SLC41A3: variants seen among roughly 807,000 people sequenced by gnomAD.
SLC41A3 encodes solute carrier family 41 member 3.
In SLC41A3, 44 loss-of-function variants were observed where a neutral mutation model predicts 45.4. The ratio of observed to expected loss-of-function variants is 0.97; its 90% confidence interval spans 0.76 to 1.25. The LOEUF is 1.25. SLC41A3 is among the 50% of genes most tolerant of loss of function. The pLI is 0.00. For synonymous variants in SLC41A3, 256 were observed against 252.4 expected, an observed-to-expected ratio of 1.01 and a Z score of -0.13; for missense variants, 550 against 600.6, an observed-to-expected ratio of 0.92 and a Z score of 0.88.
chr3:126,047,670 T>C (rs1943052987), intron 3 of SLC41A3, among the ~76,000 whole-genome samples: 1 of 152,110 alleles, frequency 6.6e-6, no homozygotes, highest in South Asian at 2.1e-4. Flanking sequence ...AAAATGGAGC[T>C]GGGAAAACGA....
At chr3:126,016,918 C>T in intron 6 of SLC41A3, 43 bp from the exon 7 acceptor site, 1 of 1,599,600 alleles carries the variant, frequency 6.3e-7, no homozygotes. Context: ...GTGGCCAAGG[C>T]CAGCACACAC....
chr3:126,056,005 G>A (rs1427575718), intron 2 of SLC41A3, among the ~76,000 whole-genome samples: 1 of 152,188 alleles, frequency 6.6e-6, no homozygotes, highest in Non-Finnish European at 1.5e-5. Context: ...GGAAATCAAG[G>A]CAGAACAGTG....
At chr3:126,058,535 T>C (rs1943816651) in intron 2 of SLC41A3, among the ~76,000 whole-genome samples, 1 of 152,134 alleles carries the variant, frequency 6.6e-6, no homozygotes, top group Admixed American at 6.5e-5. Flanking sequence ...CCACATCCAC[T>C]CTGCCTGTCC....
intron 2 of SLC41A3, among the ~76,000 whole-genome samples, chr3:126,065,145 A>G (rs1205694720): frequency 6.6e-6 from 1 of 152,220 alleles, no homozygotes; most frequent in Non-Finnish European, 1.5e-5. Flanking sequence ...AGACAGGACT[A>G]TGCTTAGAAG....
At chr3:126,023,172 T>C (rs2107709383) in intron 5 of SLC41A3, 1 of 541,276 alleles carries the variant, frequency 1.8e-6, no homozygotes, top group Non-Finnish European at 3.3e-6. Flanking sequence ...CTCCACTTTG[T>C]GACCTGTGCA....
chr3:126,033,746 A>C, intron 3 of SLC41A3, 68 bp from the exon 4 acceptor site: 1 of 1,497,868 alleles, frequency 6.7e-7, no homozygotes, highest in Non-Finnish European at 9.2e-7. Flanking sequence ...CCTTCCTGGG[A>C]AAGGCAGTCT....
In SLC41A3 at chr3:126,090,028, CTTTTTTTT is replaced by C. The variant is rs59737864; in HGVS notation, c.-79+11393_-79+11400del. On this transcript the variant is annotated intron_variant, in intron 1 of 9. Coordinates refer to the SLC41A3 transcript ENST00000508835. ...TCTAGTTAAAGAAGGTCAAGAAAAT[CTTTTTTTT>C]TTTTTTTTTTTTTTTTTAGTTATTT... 3.1e-3 allele frequency among the ~76,000 whole-genome samples: 304 copies of C among 99,362 alleles called. 5 individuals are homozygous for C. In the East Asian group the frequency reaches 0.082, roughly 27 times the overall value. 65.2% of individuals were successfully genotyped at this position (99,362 alleles called of 152,430 possible). A position where few individuals can be genotyped will look rare whatever the true frequency, so the allele number is the denominator to read the frequency against.
intron 6 of SLC41A3, among the ~76,000 whole-genome samples, chr3:126,020,626 G>A (rs537411641): frequency 1.6e-3 from 249 of 152,290 alleles, no homozygotes; most frequent in African/African-American, 5.8e-3. Flanking sequence ...TGAAAGACTG[G>A]TTCAGGCCAT....
At chr3:126,052,399 T>G (rs547955389) in intron 2 of SLC41A3, among the ~76,000 whole-genome samples, 1 of 152,122 alleles carries the variant, frequency 6.6e-6, no homozygotes, top group African/African-American at 2.4e-5. Flanking sequence ...AGCGTGCTCA[T>G]GGGCACTCTC....
chr3:126,059,354 T>C (rs965909706), intron 2 of SLC41A3, among the ~76,000 whole-genome samples: 3 of 151,282 alleles, frequency 2.0e-5, no homozygotes, highest in Non-Finnish European at 4.4e-5. Flanking sequence ...ACCCAGGGCA[T>C]AACAAGGGCA....
At chr3:126,046,763 A>T (rs61222507) in intron 3 of SLC41A3, among the ~76,000 whole-genome samples, 98,346 of 151,166 alleles carry the variant, frequency 0.65, 33,056 homozygotes, top group East Asian at 0.82. Flanking sequence ...GGAGTTCAAG[A>T]CCAGCCTGGC....
intron 6 of SLC41A3, among the ~76,000 whole-genome samples, chr3:126,018,334 C>G (rs1940515053): frequency 6.6e-6 from 1 of 152,182 alleles, no homozygotes; most frequent in Non-Finnish European, 1.5e-5. Context: ...CTCAAATAAC[C>G]CATATACAAA....
At chr3:126,085,769 C>G (rs957236634), upstream of SLC41A3, among the ~76,000 whole-genome samples, 1 of 151,932 alleles carries the variant, frequency 6.6e-6, no homozygotes, top group African/African-American at 2.4e-5. Context: ...AAGGCATTTG[C>G]TCCTCCCAGC....
intron 3 of SLC41A3, among the ~76,000 whole-genome samples, chr3:126,041,425 G>T (rs1402599304): frequency 1.3e-5 from 2 of 152,120 alleles, no homozygotes; most frequent in African/African-American, 4.8e-5. Context: ...CCATAACACA[G>T]ATGATAAAAG....
At chr3:126,025,747 G>A (rs1422152579) in intron 5 of SLC41A3, 2 of 152,946 alleles carry the variant, frequency 1.3e-5, no homozygotes, top group Admixed American at 6.5e-5. Context: ...CAGCCCCGCA[G>A]ACGCCCAACC....
intron 4 of SLC41A3, 139 bp downstream of exon 4, chr3:126,033,468 T>C: frequency 2.3e-6 from 2 of 863,658 alleles, no homozygotes; most frequent in Non-Finnish European, 3.7e-6. Flanking sequence ...CTATTGGATG[T>C]GGGAGGGACA....
chr3:126,080,858 TGA>T (rs1051600815), intron 1 of SLC41A3, among the ~76,000 whole-genome samples: 1 of 151,880 alleles, frequency 6.6e-6, no homozygotes, highest in African/African-American at 2.4e-5. Context: ...GGCTGAGGCA[TGA>T]GAGTCACTTG....
At chr3:126,009,572 T>TA (rs1266973785) in intron 9 of SLC41A3, among the ~76,000 whole-genome samples, 1 of 152,210 alleles carries the variant, frequency 6.6e-6, no homozygotes, top group African/African-American at 2.4e-5. Flanking sequence ...AAAATGGAAA[T>TA]AGACTTCTAA....
chr3:126,079,720 A>G (rs1412085572), intron 1 of SLC41A3, among the ~76,000 whole-genome samples: 4 of 152,252 alleles, frequency 2.6e-5, no homozygotes, highest in Non-Finnish European at 2.9e-5. Context: ...CTTCACAGAA[A>G]TAGAAAAAAC....
Sources: allele counts gnomAD v4.1 joint callset (sites outside exome capture counted in the v4.1 genomes callset), GRCh38; gene constraint gnomAD v4.1.1; transcripts MANE v1.5; gene names NCBI Gene and HGNC (gene_info 2026-07-23, HGNC 2026-07-21).